The following BCL2 variants were observed in gnomAD, a reference collection of about 807,000 sequenced individuals.
BCL2 encodes the protein BCL2 apoptosis regulator, also known as apoptosis regulator Bcl-2.
BCL2 carries 1 observed loss-of-function variant against 14.2 expected under a neutral mutation model. That is an observed-to-expected ratio of 0.07 (90% confidence interval 0.02 to 0.33). The LOEUF (loss-of-function observed/expected upper bound fraction) is 0.33. BCL2 is among the 10% of genes least tolerant of loss of function. The pLI is 0.99. For synonymous variants in BCL2, 151 were observed against 137.2 expected, an observed-to-expected ratio of 1.10 and a Z score of -0.70; for missense variants, 247 against 305.9, an observed-to-expected ratio of 0.81 and a Z score of 1.44.
At chr18:63,252,815 T>A in intron 2 of BCL2, among the ~76,000 whole-genome samples, 1 of 152,160 alleles carries the variant, frequency 6.6e-6, no homozygotes, top group East Asian at 1.9e-4. Flanking sequence ...TAATACACTT[T>A]GTAAATTTGA....
chr18:63,136,239 C>A (rs1914203391), intron 2 of BCL2, among the ~76,000 whole-genome samples: 1 of 152,144 alleles, frequency 6.6e-6, no homozygotes, highest in South Asian at 2.1e-4. Flanking sequence ...ATCTTTATAT[C>A]CAGTCTCACT....
intron 2 of BCL2, among the ~76,000 whole-genome samples, chr18:63,281,814 GA>G (rs1264168198): frequency 6.6e-6 from 1 of 152,220 alleles, no homozygotes; most frequent in African/African-American, 2.4e-5. Context: ...ACACACCAGA[GA>G]AGTTAATTTT....
intron 2 of BCL2, among the ~76,000 whole-genome samples, chr18:63,132,746 C>T (rs1392244204): frequency 1.3e-5 from 2 of 152,104 alleles, no homozygotes; most frequent in Non-Finnish European, 2.9e-5. Context: ...CTGATTGGGG[C>T]GATTTCCGAA....
intron 2 of BCL2, among the ~76,000 whole-genome samples, chr18:63,265,925 G>A (rs1257100144): frequency 6.6e-6 from 1 of 152,098 alleles, no homozygotes; most frequent in Non-Finnish European, 1.5e-5. Flanking sequence ...TATAGGCAAG[G>A]GTGAGGCTAA....
intron 2 of BCL2, among the ~76,000 whole-genome samples, chr18:63,162,092 C>T (rs1048667836): frequency 2.0e-5 from 3 of 152,066 alleles, no homozygotes; most frequent in Non-Finnish European, 2.9e-5. Context: ...AGGGACTGCC[C>T]GCTCCGCACT....
At chr18:63,218,839 G>A (rs1312035308) in intron 2 of BCL2, among the ~76,000 whole-genome samples, 1 of 57,086 alleles carries the variant, frequency 1.8e-5, no homozygotes, top group Non-Finnish European at 3.5e-5. Context: ...TGTCCCTTGG[G>A]ATTGTGTTTG....
intron 2 of BCL2, among the ~76,000 whole-genome samples, chr18:63,196,277 T>C (rs895882961): frequency 6.6e-6 from 1 of 152,170 alleles, no homozygotes; most frequent in East Asian, 1.9e-4. Flanking sequence ...GCATAACTTG[T>C]TAAAAACTAT....
intron 2 of BCL2, among the ~76,000 whole-genome samples, chr18:63,199,517 C>G (rs1319324959): frequency 2.6e-5 from 4 of 151,272 alleles, no homozygotes; most frequent in African/African-American, 9.7e-5. Context: ...GACACAGAGA[C>G]ACACACAACA....
At chr18:63,294,614 G>A (rs551685189) in intron 2 of BCL2, among the ~76,000 whole-genome samples, 1 of 152,082 alleles carries the variant, frequency 6.6e-6, no homozygotes, top group African/African-American at 2.4e-5. Flanking sequence ...AGGTTGCAGT[G>A]AGCCAAGATC....
intron 2 of BCL2, among the ~76,000 whole-genome samples, chr18:63,298,844 C>T (rs1912873834): frequency 6.6e-6 from 1 of 152,152 alleles, no homozygotes; most frequent in South Asian, 2.1e-4. Flanking sequence ...TTCTCTGCAT[C>T]CTGCCACCAC....
intron 2 of BCL2, among the ~76,000 whole-genome samples, chr18:63,254,383 T>TA (rs71162613): frequency 0.15 from 5,849 of 38,286 alleles, 1,733 homozygotes; most frequent in African/African-American, 0.29. Context: ...CTGTCTTTGC[T>TA]AAAAAAAAAA....
In BCL2 at chr18:63,182,705, A is replaced by G. The variant is rs968904666; in HGVS notation, c.586-53946T>C. On this transcript the variant is annotated intron_variant, in intron 2 of 2. Coordinates refer to ENST00000333681, the MANE Select transcript of BCL2 (RefSeq NM_000633.3). ...CTTCATTGGCCCATTCTGCAAATCAACTCTGCAGTTTTATTACACACACAA... is the reference window on the plus strand; with the variant it reads ...CTTCATTGGCCCATTCTGCAAATCAGCTCTGCAGTTTTATTACACACACAA... Among the ~76,000 whole-genome samples the G allele has an allele frequency of 7.2e-5, 11 of 152,130 alleles. No individual in the cohort carries two copies. The East Asian group carries it at 1.3e-3, about 19-fold the overall frequency.
chr18:63,249,179 T>G (rs1336951080), intron 2 of BCL2, among the ~76,000 whole-genome samples: 1 of 152,186 alleles, frequency 6.6e-6, no homozygotes, highest in Admixed American at 6.5e-5. Context: ...CAGCAACTAG[T>G]GTTTTGGAGA....
At chr18:63,300,776 T>C (rs1260020962) in intron 2 of BCL2, among the ~76,000 whole-genome samples, 1 of 152,182 alleles carries the variant, frequency 6.6e-6, no homozygotes, top group African/African-American at 2.4e-5. Context: ...GAGATCTTTG[T>C]GACTGCCTGC....
chr18:63,260,330 CA>C (rs1460299036), intron 2 of BCL2, among the ~76,000 whole-genome samples: 1 of 152,170 alleles, frequency 6.6e-6, no homozygotes, highest in Non-Finnish European at 1.5e-5. Flanking sequence ...GCAACATAAC[CA>C]AAAACATGGC....
At chr18:63,267,968 A>C (rs534496406) in intron 2 of BCL2, among the ~76,000 whole-genome samples, 3 of 152,194 alleles carry the variant, frequency 2.0e-5, no homozygotes, top group African/African-American at 7.2e-5. Context: ...TACATGCTTC[A>C]CGTGAAGTAA....
chr18:63,124,841 G>C lies in BCL2; in HGVS notation c.*3784C>G. 4.4e-6 allele frequency: 1 copy of C among 227,986 alleles called. No homozygotes were observed. The highest frequency in any genetic ancestry group is 8.7e-6 in the Non-Finnish European group (1 of 114,544). The allele number at this position is 227,986 out of a possible 1,614,324, so 14.1% of individuals were successfully genotyped here. The stretch of plus-strand genomic sequence containing the variant: ...ATTTCCTTAGAATGGCTTGTATTTC[G>C]AGCCTTTCCTGTTTTTCTCTGATAG... On this transcript the variant is annotated 3_prime_UTR_variant, in exon 3 of 3. Transcript: ENST00000333681.
intron 2 of BCL2, among the ~76,000 whole-genome samples, chr18:63,272,059 A>T (rs1912016893): frequency 6.6e-6 from 1 of 152,218 alleles, no homozygotes; most frequent in Non-Finnish European, 1.5e-5. Context: ...TGGTGGAAAC[A>T]AGAGTGCCAC....
Position 63,169,414 on chromosome 18 carries a change from TCTC to T in BCL2, c.586-40658_586-40656del, listed in dbSNP as rs1568222860. Among the ~76,000 whole-genome samples, 282 of 135,800 alleles carry T rather than the reference TCTC, an allele frequency of 2.1e-3. 24 individuals carry two copies. The highest frequency in any genetic ancestry group is 7.2e-3 in the Middle Eastern group (2 of 276). 89.1% of individuals were successfully genotyped at this position (135,800 alleles called of 152,430 possible). A position where few individuals can be genotyped will look rare whatever the true frequency, so the allele number is the denominator to read the frequency against. On this transcript the variant is annotated intron_variant, in intron 2 of 2. Coordinates refer to ENST00000333681, the MANE Select transcript of BCL2 (RefSeq NM_000633.3). ...TTTTCTTTCTTTCTTTTTCTTTCTC[TCTC>T]TCTCTCTCTCTTTCTTTTTCTTTCT...
Sources: allele counts gnomAD v4.1 joint callset (sites outside exome capture counted in the v4.1 genomes callset), GRCh38; gene constraint gnomAD v4.1.1; transcripts MANE v1.5; gene names NCBI Gene and HGNC (gene_info 2026-07-23, HGNC 2026-07-21).